Variants in MTREX observed in about 807,000 individuals in gnomAD.
The protein encoded by MTREX is Mtr4 exosome RNA helicase, also known as exosome RNA helicase MTR4.
A neutral mutation model predicts 135.4 loss-of-function variants in MTREX; 76 were observed. The ratio of observed to expected loss-of-function variants is 0.56; its 90% confidence interval spans 0.47 to 0.68. The LOEUF (loss-of-function observed/expected upper bound fraction) is 0.68. Among genes scored for constraint, MTREX ranks in the 30% least tolerant of loss-of-function variants. The pLI is 0.00. For missense variants in MTREX, 920 were observed against 1,262.1 expected (o/e 0.73, Z 4.11); for synonymous variants, 404 against 401.6 (o/e 1.01, Z -0.07).
chr5:55,369,726 G>T (rs531621449), intron 16 of MTREX, among the ~76,000 whole-genome samples: 1 of 152,112 alleles, frequency 6.6e-6, no homozygotes, highest in East Asian at 1.9e-4. Flanking sequence ...TTTTCAGGCC[G>T]AGAAAGTCAT....
chr5:55,327,053 T>C (rs1415735924), intron 3 of MTREX, among the ~76,000 whole-genome samples: 1 of 152,236 alleles, frequency 6.6e-6, no homozygotes, highest in Middle Eastern at 3.2e-3. Flanking sequence ...CTGCATAGTA[T>C]TCCATGGTGT....
Position 55,366,802 on chromosome 5 carries a change from T to G in MTREX, c.1737T>G (p.Ile579Met). The change falls in exon 16 of 27, where the codon ATT becomes ATG. Residue 579 changes from isoleucine (I) to methionine (M), a missense_variant. By Grantham distance (10) the Ile-to-Met change is conservative. Transcript: ENST00000230640. ...TGAACTTACTACGTGTAGAAGAAAT[T>G]AATCCTGAGTACATGTTGGAAAAAT... is the stretch of plus-strand genomic sequence containing the variant. Reference protein sequence around the residue: ...MVLNLLRVEEINPEYMLEKSF... With the variant: ...MVLNLLRVEEMNPEYMLEKSF... 6.2e-7 allele frequency: 1 copy of G among 1,611,010 alleles called. No individual in the cohort carries two copies. The highest frequency in any genetic ancestry group is 8.5e-7 in the Non-Finnish European group (1 of 1,178,410).
At chr5:55,370,040 C>T (rs556083293) in intron 16 of MTREX, among the ~76,000 whole-genome samples, 83 of 152,174 alleles carry the variant, frequency 5.5e-4, no homozygotes, top group African/African-American at 1.9e-3. Context: ...TCTCCTGCCT[C>T]AGCCTCTCAA....
At chr5:55,397,799 T>C (rs895233456) in intron 20 of MTREX, among the ~76,000 whole-genome samples, 3 of 152,218 alleles carry the variant, frequency 2.0e-5, no homozygotes, top group African/African-American at 7.2e-5. Flanking sequence ...AGCTATAGAC[T>C]GTATTACAAG....
chr5:55,405,348 T>C, intron 21 of MTREX, 77 bp from the exon 22 acceptor site: 1 of 1,281,606 alleles, frequency 7.8e-7, no homozygotes, highest in Non-Finnish European at 1.1e-6. Context: ...ATATTTTTTG[T>C]TTGATTTCAT....
chr5:55,345,139 C>T lies in MTREX; in HGVS notation c.1051C>T (p.Arg351Ter), dbSNP rs1749709274. The change falls in exon 10 of 27, where the codon CGA becomes TGA. Residue 351 changes from arginine to a stop codon, truncating the protein, a stop_gained. Transcript: ENST00000230640. LOFTEE classifies it high-confidence loss of function. ...DNFNTAMQVLRDAGDLAKGDQ... is the reference protein window; with the variant it reads ...DNFNTAMQVL ...TTTTAATACTGCAATGCAAGTGCTTCGAGATGCAGGTGATTTGGCCAAAGG... is the reference window on the plus strand; with the variant it reads ...TTTTAATACTGCAATGCAAGTGCTTTGAGATGCAGGTGATTTGGCCAAAGG... 3.7e-6 allele frequency: 6 copies of T among 1,613,352 alleles called. No individual in the cohort carries two copies. The highest frequency in any genetic ancestry group is 5.1e-6 in the Non-Finnish European group (6 of 1,179,696).
rs1751125280 is a variant in MTREX at position 55,424,847 on chromosome 5, G to A, written c.*75G>A. ...TACAGTTGACTACAAATGCCTGCAA[G>A]TGTGGATTTGGTTCTCCCATACATT... On this transcript the variant is annotated 3_prime_UTR_variant, in exon 27 of 27. Transcript: ENST00000230640. 1.9e-6 allele frequency: 2 copies of A among 1,062,816 alleles called. No individual in the cohort carries two copies. Among genetic ancestry groups the A allele is most frequent in the African/African-American group, 1.6e-5 (1 of 63,786 alleles). The allele number at this position is 1,062,816 out of a possible 1,614,324, so 65.8% of individuals were successfully genotyped here.
At chr5:55,314,353 T>TG (rs1340622683) in intron 1 of MTREX, among the ~76,000 whole-genome samples, 1 of 152,230 alleles carries the variant, frequency 6.6e-6, no homozygotes, top group African/African-American at 2.4e-5. Context: ...AAGTTGCAGA[T>TG]GGAGTTCATG....
intron 4 of MTREX, among the ~76,000 whole-genome samples, chr5:55,328,106 A>G (rs555986897): frequency 2.0e-5 from 3 of 152,212 alleles, no homozygotes; most frequent in Non-Finnish European, 4.4e-5. Flanking sequence ...GCTTCTAATG[A>G]AACCGGAACT....
rs78470593 is a variant in MTREX, at chr5:55,373,370, A to G, written c.1811-4944A>G. On this transcript the variant is annotated intron_variant, in intron 16 of 26. Coordinates refer to ENST00000230640, the MANE Select transcript of MTREX (RefSeq NM_015360.5). ...TATAGTTGTGAATTATGTCCATCTA[A>G]TTAAAAGTCACTATAAAATGTCCAG... Among the ~76,000 whole-genome samples, 1,041 of 152,026 alleles carry G rather than the reference A, an allele frequency of 6.8e-3. 15 individuals are homozygous for G. Among genetic ancestry groups the G allele is most frequent in the African/African-American group, 0.022 (929 of 41,500 alleles).
At chr5:55,363,224 G>A (rs1750045835) in intron 15 of MTREX, among the ~76,000 whole-genome samples, 1 of 152,044 alleles carries the variant, frequency 6.6e-6, no homozygotes. Context: ...TGAAGAAGTG[G>A]GAAGACTCAC....
chr5:55,355,555 T>C (rs1208112939), intron 14 of MTREX, among the ~76,000 whole-genome samples: 3 of 152,102 alleles, frequency 2.0e-5, no homozygotes, highest in East Asian at 3.9e-4. Context: ...GACCCTCTCA[T>C]AGTCAGAGAT....
At chr5:55,404,232 T>C (rs1750766492) in intron 21 of MTREX, among the ~76,000 whole-genome samples, 1 of 152,338 alleles carries the variant, frequency 6.6e-6, no homozygotes, top group East Asian at 1.9e-4. Flanking sequence ...GGTGTTTTTC[T>C]GAACCACCAC....
Position 55,350,944 on chromosome 5 carries a change from A to C in MTREX, c.1346A>C (p.Lys449Thr). Residue 449 changes from lysine to threonine, a missense_variant, in exon 13 of 27, where the codon AAG (lysine) becomes ACG (threonine). Lys to Thr is a moderately conservative substitution (Grantham distance 78). Around this residue, in one of 6 missense-constraint regions of MTREX, gnomAD observed 101 missense variants for 119.1 expected, o/e 0.85. Coordinates refer to ENST00000230640, the MANE Select transcript of MTREX (RefSeq NM_015360.5). The stretch of plus-strand genomic sequence containing the variant: ...GTAGAACATGTACTTCCTCTTTTGA[A>C]GAGGGGAATTGGTATTCACCATGGT... ...PQVEHVLPLL[K>T]RGIGIHHGGL... 1 of 1,605,014 alleles carries C rather than the reference A, an allele frequency of 6.2e-7. No homozygotes were observed. Among genetic ancestry groups the C allele is most frequent in the Non-Finnish European group, 8.5e-7 (1 of 1,177,654 alleles).
At chr5:55,388,187 G>T (rs891714502) in intron 19 of MTREX, 85 bp downstream of exon 19, 3 of 1,179,404 alleles carry the variant, frequency 2.5e-6, no homozygotes, top group African/African-American at 1.5e-5. Context: ...TGATGGTAAT[G>T]AACATACTAT....
chr5:55,389,240 T>C (rs1378015653), intron 19 of MTREX, among the ~76,000 whole-genome samples: 1 of 152,208 alleles, frequency 6.6e-6, no homozygotes, highest in Non-Finnish European at 1.5e-5. Context: ...AGGCATATAC[T>C]CTTTGTCCCC....
intron 3 of MTREX, among the ~76,000 whole-genome samples, chr5:55,325,230 CT>C (rs574132785): frequency 2.1e-3 from 286 of 138,394 alleles, no homozygotes; most frequent in Middle Eastern, 3.9e-3. Flanking sequence ...AGAACCTTAT[CT>C]TTTTTTTTTT....
intron 11 of MTREX, among the ~76,000 whole-genome samples, chr5:55,349,143 C>A (rs1749784304): frequency 6.6e-6 from 1 of 150,400 alleles, no homozygotes; most frequent in Non-Finnish European, 1.5e-5. Flanking sequence ...TTCTGCTTGA[C>A]CATCTTAAAT....
chr5:55,328,814 G>C lies in MTREX; in HGVS notation c.515+3G>C. On this transcript the variant is annotated splice_donor_region_variant and intron_variant, in intron 5 of 26. Transcript: ENST00000230640. ...GCGGGAAAAACAGTATGCGCCGAGT[G>C]AGTAGCTTCCTTTTTAAAGTCACTT... The C allele has an allele frequency of 6.4e-7, 1 of 1,557,400 alleles. No homozygotes were observed. The highest frequency in any genetic ancestry group is 8.8e-7 in the Non-Finnish European group (1 of 1,134,140).
Sources: gnomAD v4.1 joint callset for allele counts (sites outside exome capture counted in the v4.1 genomes callset) on GRCh38, gnomAD v4.1.1 for gene constraint, gnomAD v4.1.1 regional missense constraint, MANE v1.5 for transcripts, NCBI Gene and HGNC (gene_info 2026-07-23, HGNC 2026-07-21) for gene names.